LDLRAD4: variants seen among roughly 807,000 people sequenced by gnomAD.
The protein encoded by LDLRAD4 is low density lipoprotein receptor class A domain containing 4, also known as low-density lipoprotein receptor class A domain-containing protein 4.
LDLRAD4 carries 5 observed loss-of-function variants against 17.0 expected under a neutral mutation model. That is an observed-to-expected ratio of 0.29 (90% confidence interval 0.15 to 0.62). LDLRAD4 has a LOEUF of 0.62. Among genes scored for constraint, LDLRAD4 ranks in the 20% least tolerant of loss-of-function variants. The probability of loss-of-function intolerance (pLI) is 0.84; values close to 1 mark genes in which losing one functional copy is unlikely to be tolerated. For missense variants in LDLRAD4, 340 were observed against 424.7 expected, an observed-to-expected ratio of 0.80 and a Z score of 1.75; for synonymous variants, 168 against 171.8, an observed-to-expected ratio of 0.98 and a Z score of 0.17.
intron 1 of LDLRAD4, among the ~76,000 whole-genome samples, chr18:13,359,452 A>G (rs978211498): frequency 1.6e-4 from 25 of 152,102 alleles, no homozygotes; most frequent in African/African-American, 6.0e-4. Context: ...TTGCCCAACA[A>G]TGGAATGGGC....
At chr18:13,323,757 A>G (rs2081371626) in intron 1 of LDLRAD4, among the ~76,000 whole-genome samples, 1 of 152,198 alleles carries the variant, frequency 6.6e-6, no homozygotes. Context: ...ATCTATTCAT[A>G]TTGGTATTTT....
chr18:13,358,638 CAG>C (rs2083480027), intron 1 of LDLRAD4, among the ~76,000 whole-genome samples: 1 of 152,014 alleles, frequency 6.6e-6, no homozygotes, highest in Non-Finnish European at 1.5e-5. Flanking sequence ...ATCAAATGTA[CAG>C]AGTTAGACGA....
chr18:13,461,545 A>G (rs991996821), intron 3 of LDLRAD4: 1 of 152,244 alleles, frequency 6.6e-6, no homozygotes, highest in South Asian at 2.1e-4. Flanking sequence ...ATTGAAAACG[A>G]AAGTACACTC....
chr18:13,283,838 A>G (rs2045438917), intron 1 of LDLRAD4, among the ~76,000 whole-genome samples: 1 of 152,214 alleles, frequency 6.6e-6, no homozygotes, highest in South Asian at 2.1e-4. Context: ...AATAGGTTTA[A>G]TTGGACTTAC....
chr18:13,348,450 T>A (rs1483272877), intron 1 of LDLRAD4, among the ~76,000 whole-genome samples: 3 of 152,128 alleles, frequency 2.0e-5, no homozygotes, highest in Admixed American at 2.0e-4. Context: ...CTCAGAGGAG[T>A]ACCTGGCTGT....
intron 1 of LDLRAD4, chr18:13,382,619 G>GTGTGTGTGCGTGTGTGTGCGTGTGTGCA (rs889876907): frequency 6.9e-6 from 1 of 145,834 alleles, no homozygotes; most frequent in Non-Finnish European, 1.6e-5. Flanking sequence ...GTGTGTGCGT[G>GTGTGTGTGCGTGTGTGTGCGTGTGTGCA]TGTGTGTGCG....
In LDLRAD4 at chr18:13,622,341, G is replaced by A. The variant is rs887837183; in HGVS notation, c.336+1070G>A. Among the ~76,000 whole-genome samples the A allele has an allele frequency of 2.0e-5, 3 of 152,202 alleles. No individual in the cohort carries two copies. Among genetic ancestry groups the A allele is most frequent in the Non-Finnish European group, 2.9e-5 (2 of 68,032 alleles). On this transcript the variant is annotated intron_variant, in intron 4 of 5. Transcript: ENST00000359446. The surrounding 1 kb of genome is among the most constrained non-coding windows in gnomAD (Gnocchi z 5.3). ...CTGCTCTGCAGCTCCTGCAGGTAGT[G>A]GGGAGAAGGAAGGGGTGGGTGCTAC...
intron 4 of LDLRAD4, among the ~76,000 whole-genome samples, chr18:13,623,492 A>AGCTGTCCCTCCTCGAGGTGTG (rs1370945364): frequency 2.0e-5 from 3 of 152,178 alleles, no homozygotes. Context: ...TGGAACTGGG[A>AGCTGTCCCTCCTCGAGGTGTG]GCTGTCCCTC....
rs562670670 is a variant in LDLRAD4 at position 13,538,406 on chromosome 18, C to G, written c.182-82711C>G. Among the ~76,000 whole-genome samples, 13 of 152,176 alleles carry G rather than the reference C, an allele frequency of 8.5e-5. No homozygotes were observed. The South Asian group carries it at 2.7e-3, about 32-fold the overall frequency. ...AATTCAAAATATTTTCCAGGTTACCCCATATTTTTTTCACCCATTTTAAAG... is the reference window on the plus strand; with the variant it reads ...AATTCAAAATATTTTCCAGGTTACCGCATATTTTTTTCACCCATTTTAAAG... On this transcript the variant is annotated intron_variant, in intron 3 of 5. Transcript: ENST00000359446.
At chr18:13,280,311 T>G (rs1399622669) in intron 1 of LDLRAD4, among the ~76,000 whole-genome samples, 1 of 152,264 alleles carries the variant, frequency 6.6e-6, no homozygotes, top group African/African-American at 2.4e-5. Flanking sequence ...CCTAACCCTC[T>G]ATGAGTCTCA....
At chr18:13,348,776 C>T (rs192895120) in intron 1 of LDLRAD4, among the ~76,000 whole-genome samples, 2,113 of 152,244 alleles carry the variant, frequency 0.014, 34 homozygotes, top group Middle Eastern at 0.034. Flanking sequence ...CAATGGCGGG[C>T]GCCCCTCCCC....
Position 13,363,392 on chromosome 18 carries a change from TGTTGTTTCCCTTAACGAAGGTCTTCAGG to T in LDLRAD4, c.-382-23948_-382-23921del, listed in dbSNP as rs559523959. ...GAGGTGGTTAGGTGGGCAGGCTTCA[TGTTGTTTCCCTTAACGAAGGTCTTCAGG>T]CTGCGCCGGGGAAAGGGAGAGTGGA... is the stretch of plus-strand genomic sequence containing the variant. On this transcript the variant is annotated intron_variant, in intron 1 of 5. Coordinates refer to ENST00000359446, the Ensembl canonical transcript of LDLRAD4. Among the ~76,000 whole-genome samples, 67 of 149,978 alleles carry T rather than the reference TGTTGTTTCCCTTAACGAAGGTCTTCAGG, an allele frequency of 4.5e-4. 2 individuals carry two copies. The East Asian group carries it at 0.012, about 26-fold the overall frequency.
intron 4 of LDLRAD4, 38 bp from the exon 6 acceptor site, chr18:13,643,321 C>G: frequency 7.2e-7 from 1 of 1,379,414 alleles, no homozygotes; most frequent in Non-Finnish European, 9.8e-7. Flanking sequence ...TCCTCTGTTT[C>G]TTGTTCCCCC....
At chr18:13,368,367 C>CATGTGAAG (rs1444565213) in intron 1 of LDLRAD4, among the ~76,000 whole-genome samples, 3 of 152,130 alleles carry the variant, frequency 2.0e-5, no homozygotes, top group Non-Finnish European at 4.4e-5. Flanking sequence ...GGCGTGGGCT[C>CATGTGAAG]AGCACTGTGG....
intron 1 of LDLRAD4, among the ~76,000 whole-genome samples, chr18:13,295,820 G>A (rs1296882173): frequency 6.6e-6 from 1 of 152,228 alleles, no homozygotes; most frequent in Non-Finnish European, 1.5e-5. Flanking sequence ...TGATATGTGT[G>A]CTTTTAATGT....
At chr18:13,587,685 G>C (rs1034292045) in intron 3 of LDLRAD4, among the ~76,000 whole-genome samples, 5 of 152,148 alleles carry the variant, frequency 3.3e-5, no homozygotes, top group Admixed American at 6.5e-5. Flanking sequence ...TAGACTTATG[G>C]GTCCTCTGAT....
At chr18:13,234,711 G>A (rs186530940) in intron 1 of LDLRAD4, among the ~76,000 whole-genome samples, 8 of 152,258 alleles carry the variant, frequency 5.3e-5, no homozygotes, top group Non-Finnish European at 8.8e-5. Flanking sequence ...GAGATGAGCC[G>A]GGGAGGCTGA....
intron 3 of LDLRAD4, among the ~76,000 whole-genome samples, chr18:13,601,615 C>T (rs1009969643): frequency 7.6e-5 from 11 of 144,082 alleles, no homozygotes; most frequent in South Asian, 4.4e-4. Context: ...GATTGCGCCA[C>T]GGCACTCCAG....
At chr18:13,473,460 AG>A (rs544498600) in intron 3 of LDLRAD4, among the ~76,000 whole-genome samples, 257 of 151,952 alleles carry the variant, frequency 1.7e-3, no homozygotes, top group Middle Eastern at 3.4e-3. Flanking sequence ...GCTTAAGGCC[AG>A]GAGTTTGAGT....
Sources: gnomAD v4.1 joint callset for allele counts (sites outside exome capture counted in the v4.1 genomes callset) on GRCh38, gnomAD v4.1.1 for gene constraint, Gnocchi (gnomAD v3.1) non-coding constraint, MANE v1.5 for transcripts, NCBI Gene and HGNC (gene_info 2026-07-23, HGNC 2026-07-21) for gene names.